The following LRP12 variants were observed in gnomAD, a reference collection of about 807,000 sequenced individuals.
LRP12 encodes the protein LDL receptor related protein 12.
Under a neutral mutation model 66.0 loss-of-function variants are expected in LRP12, and 14 were observed. The observed-to-expected ratio is 0.21, with a 90% CI of 0.14 to 0.33. LRP12 has a LOEUF of 0.33. Among genes scored for constraint, LRP12 ranks in the 10% least tolerant of loss-of-function variants. The probability of loss-of-function intolerance (pLI) is 1.00; values close to 1 mark genes in which losing one functional copy is unlikely to be tolerated. For missense variants in LRP12, 889 were observed against 1,053.4 expected (o/e 0.84, Z 2.16); for synonymous variants, 357 against 359.1 (o/e 0.99, Z 0.07).
At chr8:104,577,548 C>T (rs189248880) in intron 1 of LRP12, among the ~76,000 whole-genome samples, 3 of 152,252 alleles carry the variant, frequency 2.0e-5, no homozygotes, top group East Asian at 1.9e-4. Flanking sequence ...CAGTGGCTCA[C>T]GCCTGTAATC....
At position 104,491,241 on chromosome 8, in the gene LRP12, A is replaced by G. The variant is rs896352965; in HGVS notation, c.2012T>C (p.Val671Ala). ...GACTTTTTGAGGCAAAGGAGCTGCA[A>G]CCCCACCAGATGCTCCTGCCATATC... Reference protein sequence around the residue: ...RRDMAGASGGVAAPLPQKVPP... With the variant: ...RRDMAGASGGAAAPLPQKVPP... The change falls in exon 7 of 7, where the codon GTT becomes GCT. Residue 671 changes from valine (V) to alanine (A), a missense_variant. Physicochemically the swap from Val to Ala is moderately conservative, Grantham distance 64. Transcript: ENST00000276654. 6.2e-7 allele frequency: 1 copy of G among 1,613,132 alleles called. No homozygotes were observed. The highest frequency in any genetic ancestry group is 1.7e-5 in the Admixed American group (1 of 59,890).
chr8:104,576,453 G>A (rs192602964), intron 1 of LRP12, among the ~76,000 whole-genome samples: 9 of 152,130 alleles, frequency 5.9e-5, no homozygotes, highest in African/African-American at 1.9e-4. Context: ...AAGAGACTGG[G>A]GGCCAATATT....
chr8:104,588,740 AC>A (rs1812377400), intron 1 of LRP12, 78 bp downstream of exon 1: 2 of 1,262,624 alleles, frequency 1.6e-6, no homozygotes, highest in Non-Finnish European at 2.2e-6. Flanking sequence ...CTCCAGGGGA[AC>A]CCCCGTCCTG....
intron 1 of LRP12, among the ~76,000 whole-genome samples, chr8:104,548,583 TTTTG>T (rs1811672086): frequency 2.8e-5 from 4 of 142,586 alleles, no homozygotes; most frequent in Non-Finnish European, 4.5e-5. Flanking sequence ...CTATATTATA[TTTTG>T]TATATAATAT....
intron 1 of LRP12, among the ~76,000 whole-genome samples, chr8:104,547,155 A>G (rs935932058): frequency 6.9e-6 from 1 of 144,276 alleles, no homozygotes; most frequent in African/African-American, 2.5e-5. Flanking sequence ...ATTCTATGTT[A>G]TATCATACTT....
chr8:104,491,406 C>A lies in LRP12; in HGVS notation c.1847G>T (p.Gly616Val), dbSNP rs1159739408. The A allele has an allele frequency of 6.2e-7, 1 of 1,613,904 alleles. No individual in the cohort carries two copies. Among genetic ancestry groups the A allele is most frequent in the Non-Finnish European group, 8.5e-7 (1 of 1,180,006 alleles). Residue 616 changes from glycine (G) to valine (V), a missense_variant, in exon 7 of 7, where the codon GGG becomes GTG. Transcript: ENST00000276654. ...IFNFARSRHS[G>V]SLALVSADGD... ...ATCTGCTGAGACCAAAGCCAATGAC[C>A]CAGAATGACGTGATCTTGCAAAATT...
intron 1 of LRP12, among the ~76,000 whole-genome samples, chr8:104,550,563 A>T (rs974730395): frequency 2.0e-5 from 3 of 152,148 alleles, no homozygotes; most frequent in Non-Finnish European, 4.4e-5. Context: ...TTGGTGAATG[A>T]CACCAGCATC....
intron 1 of LRP12, among the ~76,000 whole-genome samples, chr8:104,540,877 G>A (rs1811466011): frequency 6.6e-6 from 1 of 152,108 alleles, no homozygotes; most frequent in Non-Finnish European, 1.5e-5. Flanking sequence ...GGGATTACAG[G>A]CACGTGCCAT....
rs887001067 is a variant in LRP12, at chr8:104,497,932, G to T, written c.620C>A (p.Pro207Gln). The T allele has an allele frequency of 2.5e-6, 4 of 1,614,010 alleles. No homozygotes were observed. The Admixed American group carries it at 5.0e-5, about 20-fold the overall frequency. The change falls in exon 5 of 7, where the codon CCA becomes CAA. Residue 207 changes from proline to glutamine, a missense_variant. Physicochemically the swap from Pro to Gln is moderately conservative, Grantham distance 76. Coordinates refer to ENST00000276654, the MANE Select transcript of LRP12 (RefSeq NM_013437.5). The surrounding 1 kb of genome is among the most constrained non-coding windows in gnomAD (Gnocchi z 4.3). ...ACAGGGTTGAAAAGCAGCAGCAGTTGGAGGATTTGCTTCTTTGGCACAGAT... is the reference window on the plus strand; with the variant it reads ...ACAGGGTTGAAAAGCAGCAGCAGTTTGAGGATTTGCTTCTTTGGCACAGAT... ...EEICAKEANP[P>Q]TAAAFQPCAY...
Position 104,588,810 on chromosome 8 carries a change from G to A in LRP12, c.79+9C>T. The A allele has an allele frequency of 6.2e-7, 1 of 1,611,562 alleles. No homozygotes were observed. The highest frequency in any genetic ancestry group is 8.5e-7 in the Non-Finnish European group (1 of 1,178,894). On this transcript the variant is annotated intron_variant, in intron 1 of 6. Coordinates refer to ENST00000276654, the MANE Select transcript of LRP12 (RefSeq NM_013437.5). ...TCGGTCAGCGGGGCGCGGGGACGCG[G>A]ACACTTACCGTACACCCCAGCGAGG... is the stretch of plus-strand genomic sequence containing the variant.
intron 1 of LRP12, among the ~76,000 whole-genome samples, chr8:104,575,326 C>G (rs1197392531): frequency 6.6e-6 from 1 of 152,196 alleles, no homozygotes; most frequent in Non-Finnish European, 1.5e-5. Context: ...TGCATTGCCT[C>G]CACCACTGTG....
At chr8:104,533,463 G>T (rs1164062715) in intron 1 of LRP12, among the ~76,000 whole-genome samples, 1 of 152,066 alleles carries the variant, frequency 6.6e-6, no homozygotes, top group Non-Finnish European at 1.5e-5. Context: ...TAGAAATGCA[G>T]AGACTCAGGC....
chr8:104,579,385 T>A (rs1461292791), intron 1 of LRP12, among the ~76,000 whole-genome samples: 1 of 151,946 alleles, frequency 6.6e-6, no homozygotes, highest in Admixed American at 6.6e-5. Flanking sequence ...AGGTGAAAGA[T>A]CTCTAGAAGG....
rs559086630 is a variant in LRP12, at chr8:104,490,818, G to C, written c.2435C>G (p.Ala812Gly). The part of the protein sequence containing the change: ...QGQGLRQPYN[A>G]TNPGVRPSNR... ...ACTTGGCCTTACTCCAGGATTTGTT[G>C]CATTATATGGTTGTCTAAGCCCTTG... Residue 812 changes from alanine to glycine, a missense_variant, in exon 7 of 7, where the codon GCA (alanine) becomes GGA (glycine). Ala to Gly is a moderately conservative substitution (Grantham distance 60, BLOSUM62 0). This residue lies in a region of LRP12 where 800 missense variants were observed against 964.5 expected (regional missense o/e 0.83). Coordinates refer to ENST00000276654, the MANE Select transcript of LRP12 (RefSeq NM_013437.5). 6.2e-7 allele frequency: 1 copy of C among 1,614,116 alleles called. No homozygotes were observed. The highest frequency in any genetic ancestry group is 1.3e-5 in the African/African-American group (1 of 75,020).
chr8:104,580,659 T>C (rs1812236659), intron 1 of LRP12, among the ~76,000 whole-genome samples: 1 of 152,058 alleles, frequency 6.6e-6, no homozygotes, highest in Non-Finnish European at 1.5e-5. Context: ...AAGACATACA[T>C]ACAGCCAACA....
intron 3 of LRP12, among the ~76,000 whole-genome samples, chr8:104,502,952 AGGTG>A (rs1326752661): frequency 6.6e-6 from 1 of 152,188 alleles, no homozygotes; most frequent in Non-Finnish European, 1.5e-5. Flanking sequence ...TGGGAGGCTG[AGGTG>A]GGTGGATCAC....
chr8:104,506,747 G>A (rs576496290), intron 3 of LRP12: 10 of 152,224 alleles, frequency 6.6e-5, no homozygotes, highest in East Asian at 1.9e-4. Flanking sequence ...CCATGGATAA[G>A]GTGGCCTTTG....
chr8:104,524,369 G>A (rs1243658382), intron 2 of LRP12, among the ~76,000 whole-genome samples: 1 of 151,894 alleles, frequency 6.6e-6, no homozygotes, highest in African/African-American at 2.4e-5. Flanking sequence ...AACTTTTGGA[G>A]AATCAACAAT....
rs527829450 is a variant in LRP12 at position 104,504,768 on chromosome 8, T to A, written c.272+4171A>T. On this transcript the variant is annotated intron_variant, in intron 3 of 6. Coordinates refer to ENST00000276654, the MANE Select transcript of LRP12 (RefSeq NM_013437.5). ...TCTTTGTTGAAATAAGTATTAAAGGTGTGTTAAAAATCTCCCACTGCAACT... is the reference window on the plus strand; with the variant it reads ...TCTTTGTTGAAATAAGTATTAAAGGAGTGTTAAAAATCTCCCACTGCAACT... 5.7e-4 allele frequency: 87 copies of A among 152,300 alleles called. 1 individual carries two copies. Among genetic ancestry groups the A allele is most frequent in the African/African-American group, 2.0e-3 (82 of 41,584 alleles). The allele number at this position is 152,300 out of a possible 1,614,324, so 9.4% of individuals were successfully genotyped here. A position where few individuals can be genotyped will look rare whatever the true frequency, so the allele number is the denominator to read the frequency against.
Sources: allele counts gnomAD v4.1 joint callset (sites outside exome capture counted in the v4.1 genomes callset), GRCh38; gene constraint gnomAD v4.1.1; regional missense constraint gnomAD v4.1.1; non-coding constraint Gnocchi (gnomAD v3.1); transcripts MANE v1.5; gene names NCBI Gene and HGNC (gene_info 2026-07-23, HGNC 2026-07-21).